The following SHISA9 variants were observed in gnomAD, a reference collection of about 807,000 sequenced individuals.
The protein encoded by SHISA9 is shisa family member 9.
Under a neutral mutation model 38.0 loss-of-function variants are expected in SHISA9, and 13 were observed. That is an observed-to-expected ratio of 0.34 (90% CI 0.22 to 0.54). The LOEUF is 0.54. Ranked by LOEUF, SHISA9 falls within the 20% of genes least tolerant of loss-of-function variation. The pLI is 0.91. For synonymous variants in SHISA9, 275 were observed against 242.0 expected, an observed-to-expected ratio of 1.14 and a Z score of -1.27; for missense variants, 538 against 575.8, an observed-to-expected ratio of 0.93 and a Z score of 0.67.
At chr16:13,476,738 GTTTTTTTTTTTTTT>G in the SHISA9 span, among the ~76,000 whole-genome samples, 6 of 65,184 alleles carry the variant, frequency 9.2e-5, no homozygotes, top group African/African-American at 2.2e-4. Flanking sequence ...CCTGTTTTGT[GTTTTTTTTTTTTTT>G]TTTTTTTTTT....
At chr16:13,408,571 G>C in the SHISA9 span, among the ~76,000 whole-genome samples, 10 of 152,102 alleles carry the variant, frequency 6.6e-5, no homozygotes, top group African/African-American at 2.2e-4. Context: ...CTTTCTCTCA[G>C]CTTCACAATT....
At chr16:13,132,720 C>T (rs1233214598) in intron 2 of SHISA9, among the ~76,000 whole-genome samples, 1 of 152,172 alleles carries the variant, frequency 6.6e-6, no homozygotes, top group Non-Finnish European at 1.5e-5. Context: ...GAAAAATTAA[C>T]AGGCAGTAAG....
intron 2 of SHISA9, among the ~76,000 whole-genome samples, chr16:13,108,023 A>G (rs984804080): frequency 2.0e-5 from 3 of 152,112 alleles, no homozygotes; most frequent in African/African-American, 4.8e-5. Flanking sequence ...TGAGTATGTA[A>G]TATGTTAGGT....
intron 2 of SHISA9, among the ~76,000 whole-genome samples, chr16:13,129,243 C>A (rs966011799): frequency 2.6e-5 from 4 of 152,144 alleles, no homozygotes; most frequent in African/African-American, 9.7e-5. Context: ...AGAAGAAAAA[C>A]AACCCCAAAT....
chr16:13,351,065 T>G, the SHISA9 span, among the ~76,000 whole-genome samples: 1 of 152,216 alleles, frequency 6.6e-6, no homozygotes, highest in Non-Finnish European at 1.5e-5. Context: ...TGAATATATT[T>G]TTATATGAAT....
intron 2 of SHISA9, among the ~76,000 whole-genome samples, chr16:13,047,743 G>A (rs533214777): frequency 2.0e-5 from 3 of 152,100 alleles, no homozygotes; most frequent in Non-Finnish European, 4.4e-5. Context: ...TATCTCACTC[G>A]AGGCTCACAC....
chr16:13,421,101 C>T, the SHISA9 span, among the ~76,000 whole-genome samples: 1 of 152,200 alleles, frequency 6.6e-6, no homozygotes, highest in Non-Finnish European at 1.5e-5. Flanking sequence ...CCTTTCCCTT[C>T]AATAAAAATA....
chr16:13,131,778 C>A lies in SHISA9; in HGVS notation c.692-71616C>A, dbSNP rs367799299. On this transcript the variant is annotated intron_variant, in intron 2 of 4. Transcript: ENST00000558583. ...AAATCATGACTGAGAGTCTAAGGAA[C>A]TTGCCTGAAGCCTCACAACCTATTT... Among the ~76,000 whole-genome samples, 38 of 152,250 alleles carry A rather than the reference C, an allele frequency of 2.5e-4. No homozygotes were observed. The East Asian group carries it at 5.4e-3, about 22-fold the overall frequency.
Position 13,089,123 on chromosome 16 carries a change from G to C in SHISA9, c.692-114271G>C, listed in dbSNP as rs147938773. Among the ~76,000 whole-genome samples, 849 of 152,290 alleles carry C rather than the reference G, an allele frequency of 5.6e-3. 6 individuals carry two copies. Among genetic ancestry groups the C allele is most frequent in the African/African-American group, 0.019 (807 of 41,562 alleles). ...TGATGGATTACGTTTATTGATTTGC[G>C]TGTGTTGAACCAGCCTTGTATCCCA... On this transcript the variant is annotated intron_variant, in intron 2 of 4. Transcript: ENST00000558583.
the SHISA9 span, among the ~76,000 whole-genome samples, chr16:13,465,998 G>T: frequency 6.6e-6 from 1 of 152,230 alleles, no homozygotes; most frequent in Non-Finnish European, 1.5e-5. Context: ...CCCCTTTACG[G>T]AAAAAGTTTG....
chr16:13,025,810 AT>A (rs936343265), intron 2 of SHISA9, among the ~76,000 whole-genome samples: 2 of 151,592 alleles, frequency 1.3e-5, no homozygotes, highest in South Asian at 4.2e-4. Context: ...TCTTAACAAC[AT>A]TTTTTTTGGG....
At chr16:13,403,839 T>C in the SHISA9 span, among the ~76,000 whole-genome samples, 1 of 152,302 alleles carries the variant, frequency 6.6e-6, no homozygotes, top group South Asian at 2.1e-4. Flanking sequence ...CTATGGATTC[T>C]TGGGCAAGTC....
chr16:13,550,979 C>G, the SHISA9 span, among the ~76,000 whole-genome samples: 1 of 152,030 alleles, frequency 6.6e-6, no homozygotes, highest in African/African-American at 2.4e-5. Flanking sequence ...AAAAATTAGC[C>G]GGGCATGTTG....
At chr16:13,386,924 G>T in the SHISA9 span, among the ~76,000 whole-genome samples, 1 of 152,122 alleles carries the variant, frequency 6.6e-6, no homozygotes, top group Non-Finnish European at 1.5e-5. Context: ...ATTCATATGC[G>T]TGTCTCTCTG....
chr16:13,200,440 A>ACACACACACACAG (rs201359350), intron 2 of SHISA9, among the ~76,000 whole-genome samples: 37 of 150,140 alleles, frequency 2.5e-4, no homozygotes, highest in South Asian at 6.3e-4. Context: ...ACACACACAC[A>ACACACACACACAG]CAGCAGCAGC....
At chr16:13,331,167 A>G in the SHISA9 span, among the ~76,000 whole-genome samples, 1 of 152,162 alleles carries the variant, frequency 6.6e-6, no homozygotes, top group Non-Finnish European at 1.5e-5. Flanking sequence ...TAGACCCACG[A>G]AGTGTCCCAT....
intron 2 of SHISA9, among the ~76,000 whole-genome samples, chr16:13,077,872 A>G (rs1375719963): frequency 6.6e-6 from 1 of 152,220 alleles, no homozygotes; most frequent in Non-Finnish European, 1.5e-5. Context: ...CAAAAGAACA[A>G]CCATATACAC....
chr16:13,303,890 C>T, the SHISA9 span, among the ~76,000 whole-genome samples: 1 of 152,294 alleles, frequency 6.6e-6, no homozygotes, highest in Non-Finnish European at 1.5e-5. Context: ...CATTTCCCTT[C>T]TTCTTCCCAG....
chr16:13,416,753 AGGAAGGAAGGAAGGAAGGAAG>A, the SHISA9 span, among the ~76,000 whole-genome samples: 9 of 134,750 alleles, frequency 6.7e-5, no homozygotes, highest in East Asian at 5.0e-4. Context: ...AAAGGAAGGA[AGGAAGGAAGGAAGGAAGGAAG>A]GGAAGGAAGG....
Sources: allele counts gnomAD v4.1 joint callset (sites outside exome capture counted in the v4.1 genomes callset), GRCh38; gene constraint gnomAD v4.1.1; transcripts MANE v1.5; gene names NCBI Gene and HGNC (gene_info 2026-07-23, HGNC 2026-07-21).